The following GAS2L3 variants were observed in gnomAD, a reference collection of about 807,000 sequenced individuals.
The protein encoded by GAS2L3 is growth arrest specific 2 like 3, also known as GAS2-like protein 3.
GAS2L3 carries 28 observed loss-of-function variants against 37.0 expected under a neutral mutation model. The observed-to-expected ratio is 0.76, with a 90% CI of 0.56 to 1.04. The LOEUF is 1.04. GAS2L3 is among the 50% of genes least tolerant of loss of function. The pLI is 0.00. For missense variants in GAS2L3, 793 were observed against 817.6 expected (o/e 0.97, Z 0.37); for synonymous variants, 290 against 296.6 (o/e 0.98, Z 0.23).
intron 6 of GAS2L3, among the ~76,000 whole-genome samples, chr12:100,614,222 G>T (rs1449981032): frequency 6.6e-6 from 1 of 152,088 alleles, no homozygotes; most frequent in Admixed American, 6.5e-5. Flanking sequence ...CCAGCACTTT[G>T]GGAGGCTGAG....
chr12:100,589,533 G>A (rs919036075), intron 1 of GAS2L3, among the ~76,000 whole-genome samples: 1 of 151,844 alleles, frequency 6.6e-6, no homozygotes, highest in African/African-American at 2.4e-5. Flanking sequence ...AATCCCCATC[G>A]AAATACCACC....
intron 9 of GAS2L3, among the ~76,000 whole-genome samples, 193 bp from the exon 10 acceptor site, chr12:100,623,369 G>A (rs1306423439): frequency 6.6e-6 from 1 of 152,142 alleles, no homozygotes; most frequent in Non-Finnish European, 1.5e-5. Flanking sequence ...TGTATCATTA[G>A]TTGCATAATT....
In GAS2L3 at chr12:100,622,384, TAAGTCC is replaced by T; in HGVS notation, c.756+4_756+9del. ...GGGGATAAAATACTCTTTATAAGAG[TAAGTCC>T]ATTATTTACACTTTATTTACACATA... On this transcript the variant is annotated splice_donor_5th_base_variant and intron_variant, in intron 9 of 9. Transcript: ENST00000547754. The T allele has an allele frequency of 5.8e-6, 8 of 1,369,370 alleles. No individual in the cohort carries two copies. The highest frequency in any genetic ancestry group is 8.3e-6 in the Non-Finnish European group (8 of 965,020). 84.8% of individuals were successfully genotyped at this position (1,369,370 alleles called of 1,614,324 possible). A position where few individuals can be genotyped will look rare whatever the true frequency, so the allele number is the denominator to read the frequency against.
rs554165700 is a variant in GAS2L3, at chr12:100,587,762, G to A, written c.-151-3974G>A. Among the ~76,000 whole-genome samples the A allele has an allele frequency of 7.9e-4, 121 of 152,264 alleles. 1 individual carries two copies. The East Asian group carries it at 0.014, about 18-fold the overall frequency. ...CAGTGAGAAAAGAGAAAGAAATAAA[G>A]GGCATCCAGGCTGGGCGCGGTGGCT... On this transcript the variant is annotated intron_variant, in intron 1 of 9. Transcript: ENST00000547754.
chr12:100,617,642 T>C, intron 6 of GAS2L3, 102 bp from the exon 7 acceptor site: 1 of 731,534 alleles, frequency 1.4e-6, no homozygotes, highest in Middle Eastern at 2.5e-4. Context: ...GTAAACCTGC[T>C]GTCTTCATTA....
intron 3 of GAS2L3, among the ~76,000 whole-genome samples, chr12:100,598,519 GCTGT>G (rs1321499582): frequency 2.0e-5 from 3 of 152,092 alleles, no homozygotes; most frequent in Non-Finnish European, 2.9e-5. Flanking sequence ...TGGTTCCGAT[GCTGT>G]CTGTCAGGTT....
intron 5 of GAS2L3, among the ~76,000 whole-genome samples, chr12:100,603,887 G>A (rs1376755482): frequency 6.6e-6 from 1 of 152,042 alleles, no homozygotes; most frequent in African/African-American, 2.4e-5. Flanking sequence ...TGAAGAGCCT[G>A]TCCTTTCTTC....
intron 8 of GAS2L3, among the ~76,000 whole-genome samples, chr12:100,619,190 T>TTGA (rs1015060748): frequency 6.6e-6 from 1 of 151,820 alleles, no homozygotes; most frequent in African/African-American, 2.4e-5. Flanking sequence ...TGAGGGAAGA[T>TTGA]TGATGGGTTT....
Position 100,624,796 on chromosome 12 carries a change from A to C in GAS2L3, c.1991A>C (p.Asp664Ala). Residue 664 changes from aspartate to alanine, a missense_variant, in exon 10 of 10, where the codon GAT (aspartate) becomes GCT (alanine). Physicochemically the swap from Asp to Ala is moderately radical, Grantham distance 126 (BLOSUM62 -2). Transcript: ENST00000547754. ...AGGAAACCACCCTCATCTGTTAAGG[A>C]TGCAGATAGTGGAGATAAAAAACCT... ...SIRKPPSSVK[D>A]ADSGDKKPTA... 6.2e-7 allele frequency: 1 copy of C among 1,613,996 alleles called. No homozygotes were observed. The highest frequency in any genetic ancestry group is 8.5e-7 in the Non-Finnish European group (1 of 1,179,972).
At chr12:100,592,498 T>C (rs1955858805) in intron 2 of GAS2L3, 1 of 152,100 alleles carries the variant, frequency 6.6e-6, no homozygotes, top group African/African-American at 2.4e-5. Flanking sequence ...GTTCAGTAGT[T>C]GGTGTTTTTA....
intron 5 of GAS2L3, among the ~76,000 whole-genome samples, chr12:100,608,001 G>GCCTAGA (rs1956077652): frequency 6.6e-6 from 1 of 151,994 alleles, no homozygotes. Context: ...GAAGAGTTAG[G>GCCTAGA]CATTTATTGT....
intron 1 of GAS2L3, among the ~76,000 whole-genome samples, chr12:100,580,814 C>T (rs747399346): frequency 3.3e-5 from 5 of 152,124 alleles, no homozygotes; most frequent in African/African-American, 7.2e-5. Context: ...TGCTTCCTGC[C>T]GTTAAGGACC....
At position 100,626,456 on chromosome 12, in the gene GAS2L3, C is replaced by G. The variant is rs887828118; in HGVS notation, c.*1566C>G. ...ATACTTGGTTTAACTCGACTATTGA[C>G]TTGGGCATTGAGAGAGATGATATAT... On this transcript the variant is annotated 3_prime_UTR_variant, in exon 10 of 10. Transcript: ENST00000547754. 1 of 152,136 alleles carries G rather than the reference C, an allele frequency of 6.6e-6. No homozygotes were observed. The highest frequency in any genetic ancestry group is 1.5e-5 in the Non-Finnish European group (1 of 68,016). 9.4% of individuals were successfully genotyped at this position (152,136 alleles called of 1,614,324 possible).
chr12:100,578,734 C>T (rs1955669287), intron 1 of GAS2L3: 1 of 501,074 alleles, frequency 2.0e-6, no homozygotes, highest in Admixed American at 2.6e-5. Flanking sequence ...GATGCCTAAA[C>T]CATCTCAGCA....
chr12:100,599,476 C>A (rs967149461), intron 3 of GAS2L3, among the ~76,000 whole-genome samples: 5 of 152,116 alleles, frequency 3.3e-5, no homozygotes, highest in African/African-American at 1.2e-4. Context: ...ATATAACAAC[C>A]ATTTTAAAAT....
At position 100,600,450 on chromosome 12, in the gene GAS2L3, G is replaced by A. The variant is rs747255293; in HGVS notation, c.87G>A (p.Leu29=). The A allele has an allele frequency of 1.6e-5, 25 of 1,612,838 alleles. No homozygotes were observed. The highest frequency in any genetic ancestry group is 2.7e-5 in the African/African-American group (2 of 74,828). Residue 29 remains leucine, a synonymous_variant, in exon 4 of 10, where the codon TTG becomes TTA. Transcript: ENST00000547754. ...TGACTCCCAGACACGGACCAGGATT[G>A]GCTAATGTTTGTCAGTACGATGAGT... ...SPLTPRHGPG[L]ANVCQYDEWI... is the part of the protein sequence containing the mutation.
chr12:100,601,601 T>C (rs763934075), intron 4 of GAS2L3, 37 bp from the exon 5 acceptor site: 1 of 922,366 alleles, frequency 1.1e-6, no homozygotes, highest in Non-Finnish European at 1.8e-6. Flanking sequence ...TGTTTTTATG[T>C]TTCTAGAAGA....
Position 100,574,935 on chromosome 12 carries a change from T to C in GAS2L3, c.-152+1150T>C, listed in dbSNP as rs75788923. 3.4e-3 allele frequency among the ~76,000 whole-genome samples: 511 copies of C among 152,146 alleles called. 5 individuals carry two copies. Among genetic ancestry groups the C allele is most frequent in the African/African-American group, 0.012 (481 of 41,522 alleles). On this transcript the variant is annotated intron_variant, in intron 1 of 9. Transcript: ENST00000547754. Reference sequence around the variant, plus strand: ...AAATCTCATTAGAAACCAACTGTCATTGAACAGTAGGTGTTTGCTATCTGA... The same window carrying C: ...AAATCTCATTAGAAACCAACTGTCACTGAACAGTAGGTGTTTGCTATCTGA...
At position 100,624,462 on chromosome 12, in the gene GAS2L3, A is replaced by G; in HGVS notation, c.1657A>G (p.Lys553Glu). The change falls in exon 10 of 10, where the codon AAA becomes GAA. Residue 553 changes from lysine to glutamate, a missense_variant. By Grantham distance (56) the Lys-to-Glu change is moderately conservative (BLOSUM62 1). Transcript: ENST00000547754. ...APQAKPVPAQ[K>E]LKSALNLNQP... ...ACAAGCAAAGCCAGTCCCAGCACAG[A>G]AACTTAAATCGGCCTTGAATTTAAA... 1 of 1,614,062 alleles carries G rather than the reference A, an allele frequency of 6.2e-7. No individual in the cohort carries two copies. The highest frequency in any genetic ancestry group is 1.1e-5 in the South Asian group (1 of 91,078).
Sources: gnomAD v4.1 joint callset for allele counts (sites outside exome capture counted in the v4.1 genomes callset) on GRCh38, gnomAD v4.1.1 for gene constraint, MANE v1.5 for transcripts, NCBI Gene and HGNC (gene_info 2026-07-23, HGNC 2026-07-21) for gene names.